FKBP5: variants seen among roughly 807,000 people sequenced by gnomAD.
FKBP5 encodes FKBP prolyl isomerase 5.
A neutral mutation model predicts 50.5 loss-of-function variants in FKBP5; 23 were observed. The observed-to-expected ratio is 0.46, with a 90% CI of 0.33 to 0.65. The LOEUF is 0.65. Among genes scored for constraint, FKBP5 ranks in the 30% least tolerant of loss-of-function variants. FKBP5 has a pLI of 0.02. For synonymous variants in FKBP5, 176 were observed against 190.6 expected (o/e 0.92, Z 0.63); for missense variants, 411 against 553.1 (o/e 0.74, Z 2.58).
intron 1 of FKBP5, chr6:35,651,922 T>A (rs914039618): frequency 8.2e-6 from 9 of 1,100,344 alleles, no homozygotes; most frequent in Non-Finnish European, 9.3e-6. Context: ...AGTATGAGTT[T>A]TGATACATAT....
At chr6:35,604,671 T>C (rs1763251048) in intron 5 of FKBP5, among the ~76,000 whole-genome samples, 1 of 152,230 alleles carries the variant, frequency 6.6e-6, no homozygotes, top group African/African-American at 2.4e-5. Flanking sequence ...CATAGCTAGA[T>C]ACTGTTGTTG....
chr6:35,624,262 C>T (rs1763928883), intron 3 of FKBP5, among the ~76,000 whole-genome samples: 1 of 152,178 alleles, frequency 6.6e-6, no homozygotes, highest in South Asian at 2.1e-4. Context: ...TCCTGTGGGA[C>T]ATAAACAATC....
At chr6:35,584,864 G>A (rs1762553992) in intron 8 of FKBP5, 2 of 985,264 alleles carry the variant, frequency 2.0e-6, no homozygotes, top group African/African-American at 3.5e-5. Flanking sequence ...GTAATTTTAA[G>A]TAGGTTCATA....
At position 35,674,710 on chromosome 6, in the gene FKBP5, TG is replaced by T. The variant is rs1765481784; in HGVS notation, c.-20+14093del. On this transcript the variant is annotated intron_variant, in intron 1 of 10. Coordinates refer to ENST00000357266, the MANE Select transcript of FKBP5 (RefSeq NM_004117.4). ...ATCCTAGGCGAGAGATCACGTCACTTGCTTAAGATGACACAGTAGCAGAACT... is the reference window on the plus strand; with the variant it reads ...ATCCTAGGCGAGAGATCACGTCACTTCTTAAGATGACACAGTAGCAGAACT... Among the ~76,000 whole-genome samples the T allele has an allele frequency of 5.3e-5, 8 of 152,368 alleles. No homozygotes were observed. In the South Asian group the frequency reaches 1.7e-3, roughly 32 times the overall value.
At chr6:35,640,493 T>C (rs1358540116) in intron 2 of FKBP5, among the ~76,000 whole-genome samples, 1 of 152,216 alleles carries the variant, frequency 6.6e-6, no homozygotes, top group Non-Finnish European at 1.5e-5. Context: ...TGAGTGAACA[T>C]GAAGGCCTAG....
At position 35,577,002 on chromosome 6, in the gene FKBP5, C is replaced by T. The variant is rs747242817; in HGVS notation, c.1258G>A (p.Asp420Asn). 70 of 1,613,808 alleles carry T rather than the reference C, an allele frequency of 4.3e-5. No individual in the cohort carries two copies. Among genetic ancestry groups the T allele is most frequent in the Non-Finnish European group, 5.7e-5 (67 of 1,180,012 alleles). The stretch of plus-strand genomic sequence containing the variant: ...TCAGGCTCTGCACACACCTTGGCAT[C>T]CTGCTCTGCAAACTTCTTGAACATG... ...ANMFKKFAEQ[D>N]AKEEANKAMG... Residue 420 changes from aspartate to asparagine, a missense_variant, in exon 10 of 11, where the codon GAT becomes AAT. Physicochemically the swap from Asp to Asn is conservative, Grantham distance 23 (BLOSUM62 1). Transcript: ENST00000357266.
chr6:35,619,252 A>G, intron 4 of FKBP5, 42 bp from the exon 5 acceptor site: 1 of 1,369,758 alleles, frequency 7.3e-7, no homozygotes, highest in Non-Finnish European at 1.0e-6. Flanking sequence ...AGACCAAATA[A>G]AGCCAACTGA....
chr6:35,581,520 G>T, intron 8 of FKBP5: 2 of 923,272 alleles, frequency 2.2e-6, no homozygotes, highest in Non-Finnish European at 2.6e-6. Flanking sequence ...AACCTAAGAG[G>T]CAGAGGTTGC....
chr6:35,642,614 G>GTA, intron 2 of FKBP5, 106 bp downstream of exon 2: 1 of 786,932 alleles, frequency 1.3e-6, no homozygotes, highest in South Asian at 1.9e-5. Context: ...TTGGCACTTA[G>GTA]TAACCATCAA....
chr6:35,578,498 G>T (rs939456268), intron 9 of FKBP5, among the ~76,000 whole-genome samples: 2 of 152,156 alleles, frequency 1.3e-5, no homozygotes, highest in Non-Finnish European at 2.9e-5. Flanking sequence ...CTGGGTTGTG[G>T]TGGCTCACAC....
chr6:35,596,339 G>C (rs972224514), intron 6 of FKBP5, among the ~76,000 whole-genome samples: 17 of 152,086 alleles, frequency 1.1e-4, no homozygotes, highest in African/African-American at 4.1e-4. Context: ...GGGTGGCAGA[G>C]CAAGACTCCA....
At chr6:35,642,639 C>T in intron 2 of FKBP5, 81 bp downstream of exon 2, 1 of 1,073,728 alleles carries the variant, frequency 9.3e-7, no homozygotes. Context: ...CATTATCCAC[C>T]CCAGCCCCCC....
chr6:35,713,615 G>T (rs1323222815), intron 2 of FKBP5, among the ~76,000 whole-genome samples: 1 of 152,066 alleles, frequency 6.6e-6, no homozygotes, highest in African/African-American at 2.4e-5. Flanking sequence ...GCTGCTAGCT[G>T]GCGGGTGGGG....
chr6:35,654,933 C>T (rs1764908632), intron 1 of FKBP5, among the ~76,000 whole-genome samples: 1 of 152,152 alleles, frequency 6.6e-6, no homozygotes, highest in Admixed American at 6.5e-5. Flanking sequence ...GTGCCTGAAC[C>T]TCCAGCAACT....
intron 9 of FKBP5, among the ~76,000 whole-genome samples, chr6:35,578,589 G>A (rs1307360929): frequency 1.3e-5 from 2 of 152,080 alleles, no homozygotes; most frequent in Non-Finnish European, 2.9e-5. Flanking sequence ...CCAACATGGT[G>A]AAACCCTGTC....
At chr6:35,693,344 T>C (rs574850008), upstream of FKBP5, among the ~76,000 whole-genome samples, 2 of 151,662 alleles carry the variant, frequency 1.3e-5, no homozygotes, top group South Asian at 2.1e-4. Flanking sequence ...TTTGTATTTT[T>C]AGTAGAGACG....
chr6:35,701,240 G>T (rs189940822), intron 2 of FKBP5, among the ~76,000 whole-genome samples: 5,187 of 146,778 alleles, frequency 0.035, 113 homozygotes, highest in African/African-American at 0.058. Flanking sequence ...TTTGTTTTTT[G>T]TTTTTTTGTT....
intron 5 of FKBP5, among the ~76,000 whole-genome samples, chr6:35,615,918 A>G (rs1763638763): frequency 6.6e-6 from 1 of 152,272 alleles, no homozygotes; most frequent in African/African-American, 2.4e-5. Flanking sequence ...TGAAAGGCAC[A>G]TCACTTCAGT....
intron 5 of FKBP5, among the ~76,000 whole-genome samples, chr6:35,603,376 A>G (rs1361450484): frequency 6.6e-6 from 1 of 152,224 alleles, no homozygotes; most frequent in Non-Finnish European, 1.5e-5. Context: ...TAGTAGGCAA[A>G]GGCAGTATCT....
Sources: gnomAD v4.1 joint callset for allele counts (sites outside exome capture counted in the v4.1 genomes callset) on GRCh38, gnomAD v4.1.1 for gene constraint, MANE v1.5 for transcripts, NCBI Gene and HGNC (gene_info 2026-07-23, HGNC 2026-07-21) for gene names.